NUCKS1: variants seen among roughly 807,000 people sequenced by gnomAD.
NUCKS1 encodes the protein nuclear ubiquitous casein and cyclin-dependent kinase substrate 1.
NUCKS1 carries 2 observed loss-of-function variants against 33.0 expected under a neutral mutation model. That is an observed-to-expected ratio of 0.06 (90% CI 0.02 to 0.19). The LOEUF (loss-of-function observed/expected upper bound fraction) is 0.19. Among genes scored for constraint, NUCKS1 ranks in the 10% least tolerant of loss-of-function variants. The pLI, the probability that NUCKS1 is intolerant of heterozygous loss-of-function variation, is 1.00. For synonymous variants in NUCKS1, 106 were observed against 102.8 expected, an observed-to-expected ratio of 1.03 and a Z score of -0.19; for missense variants, 201 against 293.6, an observed-to-expected ratio of 0.68 and a Z score of 2.31.
At position 205,727,822 on chromosome 1, in the gene NUCKS1, AAAC is replaced by A; in HGVS notation, c.68-20_68-18del. On this transcript the variant is annotated intron_variant, in intron 2 of 6. Coordinates refer to ENST00000367142, the MANE Select transcript of NUCKS1 (RefSeq NM_022731.5). ...AATCTTCATCTAAACAGTGTTTTTC[AAAC>A]TTAATTAACTATGATTTTTACATGT... 1.3e-6 allele frequency: 2 copies of A among 1,494,682 alleles called. No homozygotes were observed. The highest frequency in any genetic ancestry group is 2.3e-5 in the South Asian group (2 of 88,204). 92.6% of individuals were successfully genotyped at this position (1,494,682 alleles called of 1,614,324 possible). A position where few individuals can be genotyped will look rare whatever the true frequency, so the allele number is the denominator to read the frequency against.
chr1:205,728,372 G>A (rs1328108517), intron 2 of NUCKS1, among the ~76,000 whole-genome samples: 3 of 151,968 alleles, frequency 2.0e-5, no homozygotes, highest in Non-Finnish European at 4.4e-5. Context: ...AAGTAGTCTG[G>A]AGCGTCAGCA....
Position 205,717,222 on chromosome 1 carries a change from G to T in NUCKS1, c.*1058C>A. 1 of 713,826 alleles carries T rather than the reference G, an allele frequency of 1.4e-6. No homozygotes were observed. Among genetic ancestry groups the T allele is most frequent in the Non-Finnish European group, 1.7e-6 (1 of 580,444 alleles). The allele number at this position is 713,826 out of a possible 1,614,324, so 44.2% of individuals were successfully genotyped here. Reference sequence around the variant, plus strand: ...AGAGCATGGTTAATGGGACCTGAATGCACATTTATAGCATAAAAGAATGTC... The same window carrying T: ...AGAGCATGGTTAATGGGACCTGAATTCACATTTATAGCATAAAAGAATGTC... On this transcript the variant is annotated 3_prime_UTR_variant, in exon 7 of 7. Transcript: ENST00000367142.
In NUCKS1 at chr1:205,718,227, CTTTTTT is replaced by C; in HGVS notation, c.*47_*52del. ...TTCTTTTTTTTCCTCCCTCTTTTTT[CTTTTTT>C]TTTCTTTTTTTTTTTAATAAAATCT... On this transcript the variant is annotated 3_prime_UTR_variant, in exon 7 of 7. Coordinates refer to ENST00000367142, the MANE Select transcript of NUCKS1 (RefSeq NM_022731.5). 1.2e-6 allele frequency: 1 copy of C among 861,744 alleles called. No individual in the cohort carries two copies. The highest frequency in any genetic ancestry group is 1.6e-6 in the Non-Finnish European group (1 of 629,612). The allele number at this position is 861,744 out of a possible 1,614,324, so 53.4% of individuals were successfully genotyped here.
chr1:205,730,221 A>AT (rs1311589335), intron 1 of NUCKS1, among the ~76,000 whole-genome samples: 1 of 151,160 alleles, frequency 6.6e-6, no homozygotes, highest in African/African-American at 2.4e-5. Flanking sequence ...ATTTTTTTTC[A>AT]TTTTTTGTAG....
chr1:205,745,575 A>G (rs1026945285), intron 1 of NUCKS1, among the ~76,000 whole-genome samples: 3 of 152,244 alleles, frequency 2.0e-5, no homozygotes, highest in South Asian at 2.1e-4. Flanking sequence ...TTTTCCTAAA[A>G]TGTTTTAAAC....
At chr1:205,735,805 ATAAC>A (rs1023410286) in intron 1 of NUCKS1, among the ~76,000 whole-genome samples, 1 of 152,246 alleles carries the variant, frequency 6.6e-6, no homozygotes, top group African/African-American at 2.4e-5. Flanking sequence ...TTTTGAACAC[ATAAC>A]TAACTCTTAT....
At chr1:205,730,899 C>T (rs756113899) in intron 1 of NUCKS1, among the ~76,000 whole-genome samples, 75 of 152,268 alleles carry the variant, frequency 4.9e-4, no homozygotes, top group Non-Finnish European at 9.0e-4. Flanking sequence ...CAAAGATGCC[C>T]TATTTATAAG....
intron 1 of NUCKS1, among the ~76,000 whole-genome samples, chr1:205,738,821 T>C (rs1006246382): frequency 7.2e-5 from 11 of 152,100 alleles, no homozygotes; most frequent in Admixed American, 3.9e-4. Context: ...GGTGGGAGAA[T>C]AGCTTGAGCC....
intron 1 of NUCKS1, among the ~76,000 whole-genome samples, chr1:205,746,620 T>C (rs1372502650): frequency 6.6e-6 from 1 of 152,166 alleles, no homozygotes; most frequent in Non-Finnish European, 1.5e-5. Flanking sequence ...GCTGAGGACT[T>C]CTTGAAACCA....
In NUCKS1 at chr1:205,718,483, A is replaced by G. The variant is rs761164339; in HGVS notation, c.533-4T>C. The G allele has an allele frequency of 6.2e-7, 1 of 1,606,676 alleles. No individual in the cohort carries two copies. Among genetic ancestry groups the G allele is most frequent in the South Asian group, 1.1e-5 (1 of 89,590 alleles). ...CCTTTCACTGGACTTGGCGTCACTG[A>G]AAATAGAAAAATAATTTGGGGAAGG... is the stretch of plus-strand genomic sequence containing the variant. On this transcript the variant is annotated splice_region_variant and splice_polypyrimidine_tract_variant and intron_variant, in intron 6 of 6. Transcript: ENST00000367142.
rs563989637 is a variant in NUCKS1, at chr1:205,715,602, G to GA, written c.*2677dup. On this transcript the variant is annotated 3_prime_UTR_variant, in exon 7 of 7. Coordinates refer to ENST00000367142, the MANE Select transcript of NUCKS1 (RefSeq NM_022731.5). ...GTCTAGCTGGGGAAGGGGGGATCTG[G>GA]AAAAAAAATCTTAAGAACTAGAATG... 2 of 152,084 alleles carry GA rather than the reference G, an allele frequency of 1.3e-5. No homozygotes were observed. Among genetic ancestry groups the GA allele is most frequent in the Admixed American group, 6.6e-5 (1 of 15,256 alleles). The allele number at this position is 152,084 out of a possible 1,614,324, so 9.4% of individuals were successfully genotyped here. A position where few individuals can be genotyped will look rare whatever the true frequency, so the allele number is the denominator to read the frequency against.
chr1:205,749,967 G>A lies in NUCKS1; in HGVS notation c.7C>T (p.Arg3Trp), dbSNP rs1433270402. The A allele has an allele frequency of 1.2e-6, 2 of 1,604,802 alleles. No individual in the cohort carries two copies. The highest frequency in any genetic ancestry group is 1.1e-5 in the South Asian group (1 of 90,674). Reference protein sequence around the residue: MSRPVRNRKVVDY... With the variant: MSWPVRNRKVVDY... ...AGACTCCGCACTGACCTGACAGGCC[G>A]CGACATGTTCGCTGTCGAAACAGGA... Residue 3 changes from arginine (R) to tryptophan (W), a missense_variant, in exon 1 of 7, where the codon CGG (arginine) becomes TGG (tryptophan). Arg to Trp is a moderately radical substitution (Grantham distance 101). Transcript: ENST00000367142.
intron 1 of NUCKS1, among the ~76,000 whole-genome samples, chr1:205,730,156 T>G (rs148270168): frequency 0.011 from 1,617 of 152,030 alleles, 32 homozygotes; most frequent in African/African-American, 0.037. Flanking sequence ...TGGGCCCAAG[T>G]AATCCGCCTG....
intron 2 of NUCKS1, 74 bp downstream of exon 2, chr1:205,729,498 A>G (rs1282022368): frequency 2.0e-6 from 2 of 984,242 alleles, no homozygotes; most frequent in Non-Finnish European, 3.2e-6. Flanking sequence ...TTCCAAAAGC[A>G]TAATAAAACT....
At chr1:205,730,416 T>C (rs1452738729) in intron 1 of NUCKS1, among the ~76,000 whole-genome samples, 1 of 152,086 alleles carries the variant, frequency 6.6e-6, no homozygotes, top group Admixed American at 6.6e-5. Context: ...AAGCATAGCA[T>C]AAACCACAAG....
At chr1:205,729,314 T>G (rs1192187953) in intron 2 of NUCKS1, among the ~76,000 whole-genome samples, 1 of 152,212 alleles carries the variant, frequency 6.6e-6, no homozygotes, top group African/African-American at 2.4e-5. Flanking sequence ...TCAGAATTAC[T>G]GGACATTTAA....
intron 1 of NUCKS1, among the ~76,000 whole-genome samples, chr1:205,730,462 G>C (rs1653880811): frequency 6.6e-6 from 1 of 151,808 alleles, no homozygotes; most frequent in Non-Finnish European, 1.5e-5. Flanking sequence ...GCTCATCTCA[G>C]TGATAATTCA....
In NUCKS1 at chr1:205,717,402, T is replaced by TG. The variant is rs1671841938; in HGVS notation, c.*877_*878insC. The TG allele has an allele frequency of 3.0e-6, 3 of 984,720 alleles. No homozygotes were observed. Among genetic ancestry groups the TG allele is most frequent in the Non-Finnish European group, 3.6e-6 (3 of 827,836 alleles). 61.0% of individuals were successfully genotyped at this position (984,720 alleles called of 1,614,324 possible). ...TGTTGATTAAATTCTAGGGTTTTTT[T>TG]TTTTTTGGATTCTTGGTAAAATTTT... On this transcript the variant is annotated 3_prime_UTR_variant, in exon 7 of 7. Coordinates refer to ENST00000367142, the MANE Select transcript of NUCKS1 (RefSeq NM_022731.5).
At chr1:205,741,013 C>T (rs1654153951) in intron 1 of NUCKS1, among the ~76,000 whole-genome samples, 1 of 151,612 alleles carries the variant, frequency 6.6e-6, no homozygotes, top group African/African-American at 2.4e-5. Flanking sequence ...CTTTTAAAGT[C>T]ACACACGGCC....
Sources: allele counts gnomAD v4.1 joint callset (sites outside exome capture counted in the v4.1 genomes callset), GRCh38; gene constraint gnomAD v4.1.1; transcripts MANE v1.5; gene names NCBI Gene and HGNC (gene_info 2026-07-23, HGNC 2026-07-21).